Variants in EYS observed in about 807,000 individuals in gnomAD.
EYS encodes protein eyes shut homolog.
Under a neutral mutation model 282.1 loss-of-function variants are expected in EYS, and 250 were observed. That is an observed-to-expected ratio of 0.89 (90% CI 0.80 to 0.98). EYS has a LOEUF of 0.98. EYS is among the 50% of genes least tolerant of loss of function. The pLI is 0.00. For synonymous variants in EYS, 1,355 were observed against 1,282.9 expected, an observed-to-expected ratio of 1.06 and a Z score of -1.20; for missense variants, 4,016 against 3,709.0, an observed-to-expected ratio of 1.08 and a Z score of -2.15.
chr6:64,747,317 G>T (rs926911460), intron 22 of EYS, among the ~76,000 whole-genome samples: 3 of 151,938 alleles, frequency 2.0e-5, no homozygotes, highest in Admixed American at 6.6e-5. Flanking sequence ...TTTTCTTTCT[G>T]GTAACCCTTA....
At chr6:65,332,756 T>C (rs1769841943) in intron 11 of EYS, among the ~76,000 whole-genome samples, 1 of 151,370 alleles carries the variant, frequency 6.6e-6, no homozygotes, top group Admixed American at 6.6e-5. Flanking sequence ...TGAAGTCATC[T>C]AGCCATGAAC....
chr6:65,256,335 T>C (rs561023210), intron 12 of EYS, among the ~76,000 whole-genome samples: 15 of 142,914 alleles, frequency 1.0e-4, no homozygotes, highest in Admixed American at 4.9e-4. Flanking sequence ...TAGTTACATA[T>C]GTATACATGT....
intron 19 of EYS, among the ~76,000 whole-genome samples, chr6:64,829,286 C>G (rs765551923): frequency 1.4e-4 from 22 of 151,992 alleles, no homozygotes; most frequent in Non-Finnish European, 2.6e-4. Flanking sequence ...GGTGGTACAA[C>G]AGGCATGAAT....
At position 64,278,053 on chromosome 6, in the gene EYS, T is replaced by C. The variant is rs112826260; in HGVS notation, c.6191+28917A>G. Among the ~76,000 whole-genome samples the C allele has an allele frequency of 6.5e-3, 995 of 152,256 alleles. 7 individuals are homozygous for C. The highest frequency in any genetic ancestry group is 0.029 in the East Asian group (151 of 5,184). On this transcript the variant is annotated intron_variant, in intron 30 of 42. Coordinates refer to ENST00000503581, the MANE Select transcript of EYS (RefSeq NM_001142800.2). ...CTTAAGAGGGGCATGTAGAAGGTAATTATACTATGTCAAAGAAGCTGTAGT... is the reference window on the plus strand; with the variant it reads ...CTTAAGAGGGGCATGTAGAAGGTAACTATACTATGTCAAAGAAGCTGTAGT...
chr6:65,340,611 C>G (rs894967173), intron 10 of EYS, among the ~76,000 whole-genome samples: 4 of 151,044 alleles, frequency 2.6e-5, no homozygotes, highest in Non-Finnish European at 4.5e-5. Flanking sequence ...GCCACCAATA[C>G]GAAGCTTTCC....
At chr6:63,859,581 A>T (rs1176804274) in intron 36 of EYS, among the ~76,000 whole-genome samples, 2 of 152,064 alleles carry the variant, frequency 1.3e-5, no homozygotes, top group Non-Finnish European at 2.9e-5. Flanking sequence ...AAGAAAACAA[A>T]AAAACCTGGG....
At chr6:65,058,737 C>T (rs1042485447) in intron 12 of EYS, among the ~76,000 whole-genome samples, 3 of 150,754 alleles carry the variant, frequency 2.0e-5, no homozygotes, top group African/African-American at 7.3e-5. Flanking sequence ...GCTGACCTTT[C>T]TTATTATACC....
At chr6:64,923,858 G>A (rs1203251496) in intron 15 of EYS, among the ~76,000 whole-genome samples, 2 of 152,080 alleles carry the variant, frequency 1.3e-5, no homozygotes, top group African/African-American at 4.8e-5. Flanking sequence ...CTGCCCCTGT[G>A]GCTTTGCAGG....
chr6:64,692,224 T>G (rs1770412632), intron 22 of EYS, among the ~76,000 whole-genome samples: 1 of 152,238 alleles, frequency 6.6e-6, no homozygotes, highest in South Asian at 2.1e-4. Context: ...ACTGTGGTTT[T>G]GATTTGCATT....
At chr6:63,989,481 C>G (rs771253836) in intron 34 of EYS, among the ~76,000 whole-genome samples, 3 of 151,646 alleles carry the variant, frequency 2.0e-5, no homozygotes, top group Non-Finnish European at 4.4e-5. Flanking sequence ...AAGGATCTCT[C>G]TCTCCCTCTC....
chr6:64,641,895 T>A (rs990406241), intron 22 of EYS, among the ~76,000 whole-genome samples: 10 of 152,278 alleles, frequency 6.6e-5, no homozygotes, highest in Admixed American at 5.2e-4. Flanking sequence ...TGATCTGAGG[T>A]AGAACAGTTT....
At chr6:65,311,037 T>G (rs1366260146) in intron 11 of EYS, among the ~76,000 whole-genome samples, 1 of 152,036 alleles carries the variant, frequency 6.6e-6, no homozygotes, top group Non-Finnish European at 1.5e-5. Flanking sequence ...AATACGTAAT[T>G]TTTAATGGGG....
intron 14 of EYS, among the ~76,000 whole-genome samples, chr6:64,967,151 G>A (rs1347631104): frequency 6.6e-6 from 1 of 150,556 alleles, no homozygotes; most frequent in African/African-American, 2.4e-5. Context: ...TAATCTGCCT[G>A]TCTCTAACCA....
At chr6:64,812,314 G>T (rs1447716334) in intron 22 of EYS, among the ~76,000 whole-genome samples, 1 of 151,262 alleles carries the variant, frequency 6.6e-6, no homozygotes, top group Non-Finnish European at 1.5e-5. Flanking sequence ...AACAAAAATG[G>T]CATGTTAGGC....
intron 22 of EYS, among the ~76,000 whole-genome samples, chr6:64,690,987 A>G (rs1376839614): frequency 1.3e-5 from 2 of 152,062 alleles, no homozygotes; most frequent in Non-Finnish European, 2.9e-5. Context: ...ATAATAATAA[A>G]TAATAAAAAT....
chr6:65,226,424 T>C (rs1364126822), intron 12 of EYS, among the ~76,000 whole-genome samples: 2 of 152,098 alleles, frequency 1.3e-5, no homozygotes, highest in Non-Finnish European at 2.9e-5. Context: ...AATGGACTCA[T>C]TAACTCAACA....
chr6:63,886,425 G>C (rs1773261924), intron 35 of EYS, among the ~76,000 whole-genome samples: 1 of 152,058 alleles, frequency 6.6e-6, no homozygotes, highest in South Asian at 2.1e-4. Context: ...AAAGGAAAAA[G>C]TTGTATATGT....
chr6:64,824,600 G>A (rs1764995198), intron 19 of EYS, among the ~76,000 whole-genome samples: 2 of 151,808 alleles, frequency 1.3e-5, no homozygotes, highest in African/African-American at 4.8e-5. Context: ...GTAGAATGCT[G>A]GCAGAGTCAG....
chr6:64,076,236 T>C (rs773283925), intron 32 of EYS, among the ~76,000 whole-genome samples: 5 of 151,984 alleles, frequency 3.3e-5, no homozygotes, highest in Non-Finnish European at 7.4e-5. Context: ...CAATGTTCAA[T>C]GGGATAATTT....
Sources: gnomAD v4.1 joint callset for allele counts (sites outside exome capture counted in the v4.1 genomes callset) on GRCh38, gnomAD v4.1.1 for gene constraint, MANE v1.5 for transcripts, NCBI Gene and HGNC (gene_info 2026-07-23, HGNC 2026-07-21) for gene names.